The following NUP188 variants were observed in gnomAD, a reference collection of about 807,000 sequenced individuals.
NUP188 encodes nucleoporin NUP188.
In NUP188, 97 loss-of-function variants were observed where a neutral mutation model predicts 223.0. The observed-to-expected ratio is 0.43, with a 90% CI of 0.37 to 0.51. The LOEUF is 0.51. Ranked by LOEUF, NUP188 falls within the 20% of genes least tolerant of loss-of-function variation. The pLI is 0.00. For synonymous variants in NUP188, 869 were observed against 828.0 expected (o/e 1.05, Z -0.85); for missense variants, 1,947 against 2,175.6 (o/e 0.89, Z 2.09).
intron 5 of NUP188, 106 bp downstream of exon 5, chr9:128,957,138 TC>T (rs1387617000): frequency 1.0e-5 from 7 of 699,036 alleles, no homozygotes; most frequent in Non-Finnish European, 1.7e-5. Context: ...TGGTAGGTGA[TC>T]AGGTACCGTC....
chr9:128,994,715 C>G (rs1842489566), intron 28 of NUP188, 141 bp from the exon 29 acceptor site: 2 of 750,272 alleles, frequency 2.7e-6, no homozygotes, highest in African/African-American at 1.7e-5. Context: ...TCTGCTCTTG[C>G]AAGTCAGGAC....
intron 8 of NUP188, chr9:128,964,364 CTTT>C (rs375961026): frequency 4.8e-3 from 952 of 197,342 alleles, no homozygotes; most frequent in South Asian, 0.014. Context: ...CACCTTAATT[CTTT>C]TTTTTTTTTT....
chr9:128,960,000 C>G (rs1400655902), intron 8 of NUP188, among the ~76,000 whole-genome samples: 2 of 150,450 alleles, frequency 1.3e-5, no homozygotes, highest in African/African-American at 4.9e-5. Flanking sequence ...AATTCTGAAC[C>G]TAATATATCA....
chr9:128,999,569 A>G (rs981906026), intron 33 of NUP188, 55 bp from the exon 34 acceptor site: 1 of 1,558,302 alleles, frequency 6.4e-7, no homozygotes, highest in Non-Finnish European at 8.8e-7. Flanking sequence ...ACCTTGGTGT[A>G]CAGTGAGAGT....
rs1361428568 is a variant in NUP188, at chr9:128,998,174, C to G, written c.3375C>G (p.Asp1125Glu). Residue 1125 changes from aspartate to glutamate, a missense_variant, in exon 31 of 44, where the codon GAC becomes GAG. Asp to Glu is a conservative substitution (Grantham distance 45). Transcript: ENST00000372577. The stretch of plus-strand genomic sequence containing the variant: ...AGGCAGATATAATGCACCTGACTGA[C>G]TCTGTGGTGCGTCGCCAGCTCTTTC... ...TTHADIMHLTDSVVRRQLFLD... is the reference protein window; with the variant it reads ...TTHADIMHLTESVVRRQLFLD... 4 of 1,613,904 alleles carry G rather than the reference C, an allele frequency of 2.5e-6. No homozygotes were observed. The highest frequency in any genetic ancestry group is 3.4e-6 in the Non-Finnish European group (4 of 1,179,864).
chr9:128,962,976 A>C (rs34130851), intron 8 of NUP188, among the ~76,000 whole-genome samples: 1 of 152,320 alleles, frequency 6.6e-6, no homozygotes, highest in South Asian at 2.1e-4. Context: ...ATAGAACCAC[A>C]CAATATGTAG....
At chr9:128,968,363 T>C (rs563792927) in intron 8 of NUP188, 143 bp from the exon 9 acceptor site, 237 of 639,088 alleles carry the variant, frequency 3.7e-4, no homozygotes, top group Non-Finnish European at 6.2e-4. Context: ...ATCAGTTGCG[T>C]GTAGCAGTTT....
intron 27 of NUP188, among the ~76,000 whole-genome samples, chr9:128,994,019 C>T (rs1306332508): frequency 2.6e-5 from 4 of 152,270 alleles, no homozygotes; most frequent in East Asian, 1.9e-4. Context: ...TGAAACATTC[C>T]GTTCTATTGG....
intron 36 of NUP188, 120 bp downstream of exon 36, chr9:129,002,096 G>A: frequency 1.3e-6 from 1 of 760,308 alleles, no homozygotes; most frequent in South Asian, 1.6e-5. Flanking sequence ...ATACACTGAT[G>A]GTGAGGAATC....
intron 12 of NUP188, among the ~76,000 whole-genome samples, chr9:128,978,531 C>T (rs1393856714): frequency 2.1e-5 from 3 of 143,300 alleles, no homozygotes; most frequent in Non-Finnish European, 4.5e-5. Context: ...CCACTGCACT[C>T]CAGCCTGGGC....
intron 8 of NUP188, 52 bp from the exon 9 acceptor site, chr9:128,968,454 G>A (rs1224248501): frequency 7.0e-7 from 1 of 1,421,602 alleles, no homozygotes; most frequent in African/African-American, 1.4e-5. Flanking sequence ...TTTAAGTACT[G>A]TTTTTAATCT....
chr9:129,001,239 G>A lies in NUP188; in HGVS notation c.3844-290G>A, dbSNP rs138770992. On this transcript the variant is annotated intron_variant, in intron 34 of 43. Transcript: ENST00000372577. ...GGTTGGAGTGTCCAACATGAGACGA[G>A]GTGGCTCTGACAAGGGTGGTGGCAG... is the stretch of plus-strand genomic sequence containing the variant. Among the ~76,000 whole-genome samples the A allele has an allele frequency of 3.2e-3, 481 of 152,174 alleles. 2 individuals carry two copies. Among genetic ancestry groups the A allele is most frequent in the African/African-American group, 0.011 (452 of 41,500 alleles).
In NUP188 at chr9:129,004,281, CA is replaced by C. The variant is rs560251172; in HGVS notation, c.4434+845del. On this transcript the variant is annotated intron_variant, in intron 38 of 43. Coordinates refer to ENST00000372577, the MANE Select transcript of NUP188 (RefSeq NM_015354.3). ...CTGGTGACAAAGTGAGACTCCGTCT[CA>C]AAAAAAAAAAAAAAAAACTAAACTA... is the stretch of plus-strand genomic sequence containing the variant. 6.4e-3 allele frequency among the ~76,000 whole-genome samples: 574 copies of C among 89,612 alleles called. 6 individuals are homozygous for C. The highest frequency in any genetic ancestry group is 0.059 in the East Asian group (160 of 2,694). 58.8% of individuals were successfully genotyped at this position (89,612 alleles called of 152,430 possible).
At position 129,003,521 on chromosome 9, in the gene NUP188, C is replaced by T. The variant is rs181536824; in HGVS notation, c.4434+67C>T. On this transcript the variant is annotated intron_variant, in intron 38 of 43. Transcript: ENST00000372577. ...TGGAGACAGGGAGGCTGTGAGGTCT[C>T]ACTGGGGCACTCCTAGTGAATTGCA... 2.2e-4 allele frequency: 332 copies of T among 1,543,260 alleles called. 3 individuals carry two copies. In the Admixed American group the frequency reaches 5.3e-3, roughly 25 times the overall value.
In NUP188 at chr9:129,006,899, C is replaced by T; in HGVS notation, c.*221C>T. On this transcript the variant is annotated 3_prime_UTR_variant, in exon 44 of 44. Coordinates refer to ENST00000372577, the MANE Select transcript of NUP188 (RefSeq NM_015354.3). ...GGAGCCGAGTCTTCTGTGCTCAGGT[C>T]CTCACGCTGCAGACGCCCCCTAGAG... 2.2e-6 allele frequency: 1 copy of T among 449,250 alleles called. No individual in the cohort carries two copies. Among genetic ancestry groups the T allele is most frequent in the Admixed American group, 3.9e-5 (1 of 25,388 alleles). The allele number at this position is 449,250 out of a possible 1,614,324, so 27.8% of individuals were successfully genotyped here.
At position 128,994,934 on chromosome 9, in the gene NUP188, T is replaced by G; in HGVS notation, c.3155+11T>G. On this transcript the variant is annotated intron_variant, in intron 29 of 43. Coordinates refer to ENST00000372577, the MANE Select transcript of NUP188 (RefSeq NM_015354.3). Reference sequence around the variant, plus strand: ...ATACTATGTAGTAAAGTGAGTACTTTCCCCTCTTGAGATTTTAACTGAAGG... The same window carrying G: ...ATACTATGTAGTAAAGTGAGTACTTGCCCCTCTTGAGATTTTAACTGAAGG... The G allele has an allele frequency of 6.3e-7, 1 of 1,595,126 alleles. No individual in the cohort carries two copies. The highest frequency in any genetic ancestry group is 8.6e-7 in the Non-Finnish European group (1 of 1,162,734).
chr9:128,948,792 C>T (rs1841731814), intron 1 of NUP188, among the ~76,000 whole-genome samples: 1 of 124,694 alleles, frequency 8.0e-6, no homozygotes, highest in Non-Finnish European at 1.6e-5. Context: ...ATGGCACGAT[C>T]TCGGCTCACT....
chr9:128,974,412 G>A (rs1256367846), intron 12 of NUP188, among the ~76,000 whole-genome samples: 3 of 121,146 alleles, frequency 2.5e-5, no homozygotes. Flanking sequence ...TTTTTTTTGA[G>A]ACAGGGTCTC....
chr9:128,978,765 A>C (rs1842214815), intron 12 of NUP188, among the ~76,000 whole-genome samples: 1 of 152,078 alleles, frequency 6.6e-6, no homozygotes, highest in Admixed American at 6.6e-5. Flanking sequence ...GCTAGAGTAC[A>C]GTGGCATGAT....
Sources: allele counts gnomAD v4.1 joint callset (sites outside exome capture counted in the v4.1 genomes callset), GRCh38; gene constraint gnomAD v4.1.1; transcripts MANE v1.5; gene names NCBI Gene and HGNC (gene_info 2026-07-23, HGNC 2026-07-21).